Variants in NSL1 observed in about 807,000 individuals in gnomAD.
NSL1 encodes NSL1 component of MIS12 kinetochore complex.
NSL1 carries 11 observed loss-of-function variants against 25.4 expected under a neutral mutation model. That is an observed-to-expected ratio of 0.43 (90% CI 0.27 to 0.72). The LOEUF (loss-of-function observed/expected upper bound fraction) is 0.72. Among genes scored for constraint, NSL1 ranks in the 30% least tolerant of loss-of-function variants. NSL1 has a pLI of 0.19. For synonymous variants in NSL1, 118 were observed against 120.6 expected (o/e 0.98, Z 0.14); for missense variants, 330 against 342.7 (o/e 0.96, Z 0.29).
chr1:212,727,833 C>T lies in NSL1; in HGVS notation c.*10575G>A. 1 of 983,378 alleles carries T rather than the reference C, an allele frequency of 1.0e-6. No individual in the cohort carries two copies. The highest frequency in any genetic ancestry group is 1.2e-6 in the Non-Finnish European group (1 of 828,054). The allele number at this position is 983,378 out of a possible 1,614,324, so 60.9% of individuals were successfully genotyped here. A position where few individuals can be genotyped will look rare whatever the true frequency, so the allele number is the denominator to read the frequency against. On this transcript the variant is annotated 3_prime_UTR_variant, in exon 6 of 6. Coordinates refer to ENST00000366977, the MANE Select transcript of NSL1 (RefSeq NM_015471.4). ...CACTAGTATTACATAGTAATATTCACTATTCGTTAACTGCTGGGAAATTTA... is the reference window on the plus strand; with the variant it reads ...CACTAGTATTACATAGTAATATTCATTATTCGTTAACTGCTGGGAAATTTA...
At chr1:212,742,485 G>C (rs1658550353) in intron 4 of NSL1, among the ~76,000 whole-genome samples, 1 of 152,184 alleles carries the variant, frequency 6.6e-6, no homozygotes, top group Admixed American at 6.5e-5. Flanking sequence ...CAAATGAAAT[G>C]TCCTTATTAA....
At position 212,730,302 on chromosome 1, in the gene NSL1, A is replaced by G; in HGVS notation, c.*8106T>C. The G allele has an allele frequency of 2.0e-6, 2 of 981,860 alleles. No homozygotes were observed. The highest frequency in any genetic ancestry group is 2.4e-6 in the Non-Finnish European group (2 of 828,536). 60.8% of individuals were successfully genotyped at this position (981,860 alleles called of 1,614,324 possible). On this transcript the variant is annotated 3_prime_UTR_variant, in exon 6 of 6. Coordinates refer to ENST00000366977, the MANE Select transcript of NSL1 (RefSeq NM_015471.4). ...AGTCTCAGGTATTTATGGACTGGTG[A>G]AGAGTTGTGTGGAGGGTGGCATTCC...
chr1:212,779,475 T>C (rs1571914919), intron 4 of NSL1, among the ~76,000 whole-genome samples: 4 of 107,098 alleles, frequency 3.7e-5, no homozygotes, highest in African/African-American at 3.9e-5. Flanking sequence ...GGAGCCCCTC[T>C]GCACGGCCAG....
chr1:212,780,758 G>A (rs1363182296), intron 4 of NSL1, among the ~76,000 whole-genome samples: 1 of 152,034 alleles, frequency 6.6e-6, no homozygotes, highest in Non-Finnish European at 1.5e-5. Flanking sequence ...TATTATAAAT[G>A]GGATGCAATT....
At chr1:212,755,652 T>TA (rs1659271128) in intron 4 of NSL1, among the ~76,000 whole-genome samples, 2 of 151,852 alleles carry the variant, frequency 1.3e-5, no homozygotes, top group African/African-American at 4.8e-5. Flanking sequence ...GATCTAAAAT[T>TA]AGACACAGCA....
rs554367758 is a variant in NSL1 at position 212,791,745 on chromosome 1, A to T, written c.19T>A (p.Leu7Met). 7 of 1,607,242 alleles carry T rather than the reference A, an allele frequency of 4.4e-6. No individual in the cohort carries two copies. Among genetic ancestry groups the T allele is most frequent in the Non-Finnish European group, 6.0e-6 (7 of 1,176,162 alleles). MAGSPE[L>M]VVLDPPWDKE... ...TCCCATGGAGGGTCAAGGACCACCA[A>T]CTCAGGAGACCCCGCCATTTTTCGT... is the stretch of plus-strand genomic sequence containing the variant. Residue 7 changes from leucine to methionine, a missense_variant, in exon 1 of 6, where the codon TTG becomes ATG. Leu to Met is a conservative substitution (Grantham distance 15). Transcript: ENST00000366977.
rs1187582501 is a variant in NSL1 at position 212,731,791 on chromosome 1, C to A, written c.*6617G>T. On this transcript the variant is annotated 3_prime_UTR_variant, in exon 6 of 6. Coordinates refer to ENST00000366977, the MANE Select transcript of NSL1 (RefSeq NM_015471.4). ...GTCAAAGCTGGTGTTCAGACAGTCA[C>A]ACTGTTACAAACATATGGATTGTAC... The A allele has an allele frequency of 2.2e-5, 22 of 985,328 alleles. No individual in the cohort carries two copies. Among genetic ancestry groups the A allele is most frequent in the Non-Finnish European group, 2.5e-5 (21 of 829,946 alleles). The allele number at this position is 985,328 out of a possible 1,614,324, so 61.0% of individuals were successfully genotyped here. A position where few individuals can be genotyped will look rare whatever the true frequency, so the allele number is the denominator to read the frequency against.
At chr1:212,788,607 C>T (rs1366129764) in intron 1 of NSL1, among the ~76,000 whole-genome samples, 1 of 152,022 alleles carries the variant, frequency 6.6e-6, no homozygotes, top group South Asian at 2.1e-4. Context: ...TAAAGGAATT[C>T]GGCAGTACAC....
intron 4 of NSL1, among the ~76,000 whole-genome samples, chr1:212,771,183 G>A (rs556863659): frequency 9.9e-5 from 15 of 152,162 alleles, no homozygotes; most frequent in Admixed American, 5.2e-4. Context: ...GCGTGGTGGC[G>A]CATGCCTGTA....
At position 212,726,945 on chromosome 1, in the gene NSL1, C is replaced by T. The variant is rs1216162047; in HGVS notation, c.*11463G>A. ...CACGGACTTTCCCGTCCTGTCTCTT[C>T]ATGGTGGGTGAAGAGCACAGGGAGA... On this transcript the variant is annotated 3_prime_UTR_variant, in exon 6 of 6. Transcript: ENST00000366977. The T allele has an allele frequency of 7.7e-6, 4 of 521,364 alleles. No homozygotes were observed. Among genetic ancestry groups the T allele is most frequent in the Non-Finnish European group, 1.3e-5 (4 of 307,404 alleles). The allele number at this position is 521,364 out of a possible 1,614,324, so 32.3% of individuals were successfully genotyped here. A position where few individuals can be genotyped will look rare whatever the true frequency, so the allele number is the denominator to read the frequency against.
chr1:212,733,732 T>G lies in NSL1; in HGVS notation c.*4676A>C, dbSNP rs944500564. Among the ~76,000 whole-genome samples, 1 of 152,244 alleles carries G rather than the reference T, an allele frequency of 6.6e-6. No homozygotes were observed. Among genetic ancestry groups the G allele is most frequent in the Non-Finnish European group, 1.5e-5 (1 of 68,046 alleles). On this transcript the variant is annotated 3_prime_UTR_variant, in exon 6 of 6. Coordinates refer to ENST00000366977, the MANE Select transcript of NSL1 (RefSeq NM_015471.4). ...AGTCCACATTTTATTTATCCATTCATCAGTTCATGAAAGTTCAACCTGCTG... is the reference window on the plus strand; with the variant it reads ...AGTCCACATTTTATTTATCCATTCAGCAGTTCATGAAAGTTCAACCTGCTG...
intron 4 of NSL1, among the ~76,000 whole-genome samples, chr1:212,763,031 A>G (rs2102455971): frequency 6.6e-6 from 1 of 152,328 alleles, no homozygotes; most frequent in Admixed American, 6.5e-5. Flanking sequence ...CCTTATGGGC[A>G]TATGGAGAAA....
rs1659499214 is a variant in NSL1 at position 212,760,177 on chromosome 1, G to A, written c.500-20576C>T. Among the ~76,000 whole-genome samples the A allele has an allele frequency of 6.6e-6, 1 of 152,010 alleles. No individual in the cohort carries two copies. The highest frequency in any genetic ancestry group is 1.5e-5 in the Non-Finnish European group (1 of 67,984). On this transcript the variant is annotated intron_variant, in intron 4 of 5. Transcript: ENST00000366977. The surrounding 1 kb of genome is among the most constrained non-coding windows in gnomAD (Gnocchi z 4.3). ...ACACACACCATAAGGGAGCTTAACA[G>A]CAGGTCCAGCCTGTGGGCCACTGGT...
At chr1:212,766,539 G>A (rs1216395015) in intron 4 of NSL1, among the ~76,000 whole-genome samples, 2 of 151,624 alleles carry the variant, frequency 1.3e-5, no homozygotes, top group Non-Finnish European at 2.9e-5. Flanking sequence ...CAGCTCCTTG[G>A]GAGGCTGAGG....
intron 4 of NSL1, among the ~76,000 whole-genome samples, chr1:212,752,182 T>C (rs1390306805): frequency 6.6e-6 from 1 of 152,258 alleles, no homozygotes; most frequent in Non-Finnish European, 1.5e-5. Flanking sequence ...CATAAATGTA[T>C]AGTATTTCAG....
chr1:212,738,788 A>G (rs1658358332), intron 5 of NSL1, 102 bp from the exon 6 acceptor site: 8 of 936,874 alleles, frequency 8.5e-6, no homozygotes, highest in Non-Finnish European at 1.3e-5. Context: ...TTTCTTGAGA[A>G]GTCTTGCTTT....
rs56307222 is a variant in NSL1, at chr1:212,773,634, C to CA, written c.499+8737dup. 3.3e-3 allele frequency among the ~76,000 whole-genome samples: 497 copies of CA among 150,638 alleles called. 20 individuals carry two copies. The East Asian group carries it at 0.079, about 24-fold the overall frequency. On this transcript the variant is annotated intron_variant, in intron 4 of 5. Coordinates refer to ENST00000366977, the MANE Select transcript of NSL1 (RefSeq NM_015471.4). Reference sequence around the variant, plus strand: ...AATGGAAAACAATATGGAGGTTCCTCAAAAAAAAACTAAAAATAGAATTAC... The same window carrying CA: ...AATGGAAAACAATATGGAGGTTCCTCAAAAAAAAAACTAAAAATAGAATTAC...
chr1:212,778,593 G>A (rs897835917), intron 4 of NSL1, among the ~76,000 whole-genome samples: 47 of 152,162 alleles, frequency 3.1e-4, no homozygotes, highest in African/African-American at 1.1e-3. Flanking sequence ...TGGAGACGGG[G>A]TTTCACTGTG....
At chr1:212,783,096 C>G (rs1660797870) in intron 3 of NSL1, among the ~76,000 whole-genome samples, 1 of 152,124 alleles carries the variant, frequency 6.6e-6, no homozygotes, top group South Asian at 2.1e-4. Context: ...GTCTTTTGCT[C>G]AGGAGTCTGA....
Sources: gnomAD v4.1 joint callset for allele counts (sites outside exome capture counted in the v4.1 genomes callset) on GRCh38, gnomAD v4.1.1 for gene constraint, Gnocchi (gnomAD v3.1) non-coding constraint, MANE v1.5 for transcripts, NCBI Gene and HGNC (gene_info 2026-07-23, HGNC 2026-07-21) for gene names.